FER1L6: variants seen among roughly 807,000 people sequenced by gnomAD.
The protein encoded by FER1L6 is fer-1 like family member 6.
In FER1L6, 177 loss-of-function variants were observed where a neutral mutation model predicts 219.2. The observed-to-expected ratio is 0.81, with a 90% CI of 0.71 to 0.91. The LOEUF is 0.91. Among genes scored for constraint, FER1L6 ranks in the 40% least tolerant of loss-of-function variants. The pLI is 0.00. For missense variants in FER1L6, 2,153 were observed against 2,259.9 expected (o/e 0.95, Z 0.96); for synonymous variants, 768 against 824.3 (o/e 0.93, Z 1.17).
chr8:124,075,131 A>T (rs1041888622), intron 31 of FER1L6, among the ~76,000 whole-genome samples: 1 of 152,196 alleles, frequency 6.6e-6, no homozygotes, highest in African/African-American at 2.4e-5. Context: ...TTCCTTATTC[A>T]ATAATAAATT....
At chr8:123,967,137 A>G (rs1371874890) in intron 5 of FER1L6, among the ~76,000 whole-genome samples, 2 of 152,022 alleles carry the variant, frequency 1.3e-5, no homozygotes, top group Non-Finnish European at 2.9e-5. Context: ...AGAGACAAAA[A>G]GTATAACGAT....
chr8:123,884,826 T>C (rs1817170742), intron 1 of FER1L6, among the ~76,000 whole-genome samples: 1 of 152,126 alleles, frequency 6.6e-6, no homozygotes, highest in African/African-American at 2.4e-5. Context: ...CTGCATATGC[T>C]TTCACCTGAG....
At chr8:123,982,304 A>G (rs1273154445) in intron 11 of FER1L6, among the ~76,000 whole-genome samples, 1 of 152,120 alleles carries the variant, frequency 6.6e-6, no homozygotes, top group African/African-American at 2.4e-5. Context: ...TGCCAAGTAG[A>G]AAGAGGCTAG....
intron 1 of FER1L6, among the ~76,000 whole-genome samples, chr8:123,872,072 A>G (rs192721361): frequency 6.6e-6 from 1 of 152,134 alleles, no homozygotes; most frequent in Non-Finnish European, 1.5e-5. Flanking sequence ...GCAGAAGGTG[A>G]AGGGGGAGCA....
At chr8:124,041,896 G>A (rs888295396) in intron 20 of FER1L6, among the ~76,000 whole-genome samples, 1 of 152,198 alleles carries the variant, frequency 6.6e-6, no homozygotes, top group East Asian at 1.9e-4. Flanking sequence ...ACAAACCTCT[G>A]TTTGTGCCTC....
At position 124,056,998 on chromosome 8, in the gene FER1L6, C is replaced by A. The variant is rs541281613; in HGVS notation, c.2875-3182C>A. The stretch of plus-strand genomic sequence containing the variant: ...GGCGGAGGTTGCAGTGAGCAGGGAT[C>A]GCACCTCTGCACTCCAGCCTGGGTG... On this transcript the variant is annotated intron_variant, in intron 22 of 40. Transcript: ENST00000522917. 2.0e-5 allele frequency among the ~76,000 whole-genome samples: 3 copies of A among 152,176 alleles called. No homozygotes were observed. The South Asian group carries it at 6.3e-4, about 32-fold the overall frequency.
intron 31 of FER1L6, among the ~76,000 whole-genome samples, chr8:124,072,170 C>T (rs186392078): frequency 3.5e-4 from 54 of 152,284 alleles, no homozygotes; most frequent in African/African-American, 1.2e-3. Flanking sequence ...AAGCAGGAAA[C>T]TACAGGAAAG....
chr8:124,003,063 T>C (rs2130503065), intron 12 of FER1L6, 104 bp from the exon 13 acceptor site: 1 of 902,888 alleles, frequency 1.1e-6, no homozygotes, highest in South Asian at 1.6e-5. Context: ...AATGGGAGCT[T>C]ACCTTATTGC....
At chr8:123,858,480 C>G (rs374317188) in intron 1 of FER1L6, among the ~76,000 whole-genome samples, 8 of 152,294 alleles carry the variant, frequency 5.3e-5, no homozygotes, top group African/African-American at 1.9e-4. Context: ...TGCTGACTGG[C>G]AGTCTAGTCA....
chr8:124,017,268 G>A (rs1372439520), intron 15 of FER1L6, among the ~76,000 whole-genome samples: 1 of 151,924 alleles, frequency 6.6e-6, no homozygotes, highest in Non-Finnish European at 1.5e-5. Flanking sequence ...TAAAATATTT[G>A]TTTTACATAC....
intron 18 of FER1L6, among the ~76,000 whole-genome samples, chr8:124,031,504 G>A (rs887294728): frequency 1.3e-5 from 2 of 152,110 alleles, no homozygotes; most frequent in East Asian, 3.9e-4. Context: ...AACCCTCTCT[G>A]GAATGGGCTA....
At chr8:124,031,364 T>C (rs1001015951) in intron 18 of FER1L6, among the ~76,000 whole-genome samples, 1 of 152,194 alleles carries the variant, frequency 6.6e-6, no homozygotes, top group Non-Finnish European at 1.5e-5. Flanking sequence ...TGGATGGACA[T>C]GTAGAAATAC....
intron 15 of FER1L6, among the ~76,000 whole-genome samples, chr8:124,015,617 T>TATATATATA (rs1818168239): frequency 2.5e-5 from 1 of 39,780 alleles, no homozygotes; most frequent in South Asian, 7.8e-4. Context: ...ATATATATAT[T>TATATATATA]ACTCCTGCTG....
At chr8:123,995,643 T>G (rs1174956369) in intron 12 of FER1L6, among the ~76,000 whole-genome samples, 2 of 152,126 alleles carry the variant, frequency 1.3e-5, no homozygotes, top group Non-Finnish European at 2.9e-5. Context: ...TTGTATTGTT[T>G]TTATGTTGTT....
At chr8:124,060,889 T>G in intron 24 of FER1L6, 180 bp downstream of exon 24, 1 of 663,914 alleles carries the variant, frequency 1.5e-6, no homozygotes, top group Non-Finnish European at 2.4e-6. Flanking sequence ...GTTTCCAGTG[T>G]GGATCATACA....
chr8:124,020,629 G>A (rs1473321787), intron 16 of FER1L6, among the ~76,000 whole-genome samples: 1 of 152,156 alleles, frequency 6.6e-6, no homozygotes, highest in Non-Finnish European at 1.5e-5. Context: ...CATACCTCTG[G>A]GAAGAGGTGG....
chr8:124,088,555 G>A (rs1036408093), intron 33 of FER1L6, among the ~76,000 whole-genome samples: 5 of 151,742 alleles, frequency 3.3e-5, no homozygotes, highest in East Asian at 2.0e-4. Flanking sequence ...CTGTCCTTTC[G>A]TCAAGCAGAA....
chr8:123,926,096 G>T (rs1813553123), intron 1 of FER1L6, among the ~76,000 whole-genome samples: 1 of 152,290 alleles, frequency 6.6e-6, no homozygotes, highest in South Asian at 2.1e-4. Context: ...ATAAAAAAAT[G>T]CAGTGTAAAT....
At chr8:123,966,135 T>C (rs778188260) in intron 4 of FER1L6, 24 bp from the exon 5 acceptor site, 3 of 1,613,860 alleles carry the variant, frequency 1.9e-6, no homozygotes, top group East Asian at 4.5e-5. Context: ...TCCGGAATGG[T>C]GTCCACACTG....
Sources: allele counts gnomAD v4.1 joint callset (sites outside exome capture counted in the v4.1 genomes callset), GRCh38; gene constraint gnomAD v4.1.1; transcripts MANE v1.5; gene names NCBI Gene and HGNC (gene_info 2026-07-23, HGNC 2026-07-21).